CSMD1: variants seen among roughly 807,000 people sequenced by gnomAD.
CSMD1 encodes CUB and sushi domain-containing protein 1.
CSMD1 carries 213 observed loss-of-function variants against 417.5 expected under a neutral mutation model. That is an observed-to-expected ratio of 0.51 (90% CI 0.46 to 0.57). The LOEUF (loss-of-function observed/expected upper bound fraction) is 0.57, where lower values mean the gene tolerates loss of function less well. CSMD1 is among the 20% of genes least tolerant of loss of function. CSMD1 has a pLI of 0.00. For missense variants in CSMD1, 6,923 were observed against 4,529.7 expected, an observed-to-expected ratio of 1.53 and a Z score of -15.17; for synonymous variants, 2,862 against 1,736.8, an observed-to-expected ratio of 1.65 and a Z score of -16.11.
intron 1 of CSMD1, among the ~76,000 whole-genome samples, chr8:4,913,251 G>C (rs1056442480): frequency 5.9e-5 from 9 of 152,156 alleles, no homozygotes; most frequent in African/African-American, 1.9e-4. Context: ...AACACAAGTT[G>C]TTTCTCTTCT....
chr8:4,681,068 T>C (rs550195636), intron 1 of CSMD1, among the ~76,000 whole-genome samples: 1 of 151,850 alleles, frequency 6.6e-6, no homozygotes, highest in Non-Finnish European at 1.5e-5. Flanking sequence ...TTAACTTGCA[T>C]TATGGCTACG....
intron 12 of CSMD1, among the ~76,000 whole-genome samples, chr8:3,435,056 C>A (rs993115955): frequency 8.6e-5 from 13 of 151,926 alleles, no homozygotes; most frequent in African/African-American, 3.1e-4. Context: ...GACAGAAGCC[C>A]CTGGTGGGAG....
chr8:3,445,233 T>C (rs188772532), intron 12 of CSMD1, among the ~76,000 whole-genome samples: 1 of 152,348 alleles, frequency 6.6e-6, no homozygotes, highest in Non-Finnish European at 1.5e-5. Context: ...TTTTCAGTAG[T>C]CTGGGTTACG....
intron 8 of CSMD1, among the ~76,000 whole-genome samples, chr8:3,589,241 A>G (rs188540320): frequency 5.8e-4 from 89 of 152,296 alleles, no homozygotes; most frequent in African/African-American, 1.7e-3. Context: ...TTCTGATCCT[A>G]TATCTGAAGG....
intron 3 of CSMD1, among the ~76,000 whole-genome samples, chr8:4,163,938 A>G (rs1015536623): frequency 1.3e-5 from 2 of 152,168 alleles, no homozygotes; most frequent in Non-Finnish European, 2.9e-5. Flanking sequence ...CTGTTATATA[A>G]GTTTTCCAGG....
At chr8:4,131,850 T>G (rs1021349869) in intron 3 of CSMD1, among the ~76,000 whole-genome samples, 4 of 134,416 alleles carry the variant, frequency 3.0e-5, no homozygotes, top group African/African-American at 1.1e-4. Context: ...GCAAGCTCCA[T>G]CTCCCAGGTT....
chr8:4,677,059 T>C (rs1311989647), intron 1 of CSMD1, among the ~76,000 whole-genome samples: 1 of 145,568 alleles, frequency 6.9e-6, no homozygotes, highest in Admixed American at 6.9e-5. Flanking sequence ...TATAGAATTA[T>C]ATATAGAGAT....
At chr8:4,420,992 T>G (rs1306158390) in intron 2 of CSMD1, among the ~76,000 whole-genome samples, 2 of 152,188 alleles carry the variant, frequency 1.3e-5, no homozygotes, top group Non-Finnish European at 2.9e-5. Context: ...TATTCATCTT[T>G]GTAAACTGCA....
chr8:4,216,758 A>G (rs1422299116), intron 3 of CSMD1, among the ~76,000 whole-genome samples: 2 of 152,204 alleles, frequency 1.3e-5, no homozygotes, highest in Non-Finnish European at 2.9e-5. Flanking sequence ...TAAAATTACC[A>G]TTCTCTTTAC....
chr8:4,467,478 A>G (rs972960402), intron 2 of CSMD1, among the ~76,000 whole-genome samples: 3 of 152,212 alleles, frequency 2.0e-5, no homozygotes, highest in African/African-American at 7.2e-5. Flanking sequence ...TGTGCCACCC[A>G]TGAGTGGCCA....
At chr8:3,470,300 T>C (rs1817013086) in intron 11 of CSMD1, among the ~76,000 whole-genome samples, 2 of 152,364 alleles carry the variant, frequency 1.3e-5, no homozygotes, top group Admixed American at 6.5e-5. Flanking sequence ...ATAGAATTTA[T>C]AGTGTATAAA....
intron 1 of CSMD1, among the ~76,000 whole-genome samples, chr8:4,662,698 T>C (rs1035944085): frequency 5.3e-5 from 8 of 152,172 alleles, no homozygotes; most frequent in African/African-American, 1.4e-4. Context: ...ATTTGTACAC[T>C]GCACTTTCAG....
chr8:3,593,303 T>G (rs1800943695), intron 8 of CSMD1, among the ~76,000 whole-genome samples: 1 of 152,210 alleles, frequency 6.6e-6, no homozygotes, highest in Non-Finnish European at 1.5e-5. Context: ...TTCCCAGCTG[T>G]GGCCTCATGG....
chr8:4,247,684 G>C (rs964880413), intron 3 of CSMD1, among the ~76,000 whole-genome samples: 2 of 152,068 alleles, frequency 1.3e-5, no homozygotes, highest in South Asian at 2.1e-4. Context: ...TAATGTATGA[G>C]CTTCTGCATT....
intron 2 of CSMD1, among the ~76,000 whole-genome samples, chr8:4,614,776 AAT>A (rs1289231573): frequency 2.0e-5 from 3 of 152,164 alleles, no homozygotes; most frequent in African/African-American, 7.2e-5. Context: ...TTTAGACTAC[AAT>A]ATGTCTGTAG....
At chr8:3,513,395 G>C (rs369986495) in intron 10 of CSMD1, among the ~76,000 whole-genome samples, 2 of 151,138 alleles carry the variant, frequency 1.3e-5, no homozygotes, top group African/African-American at 4.9e-5. Context: ...GTGTGGAGTG[G>C]TGCTCACTGC....
chr8:4,455,255 G>A (rs74574573), intron 2 of CSMD1, among the ~76,000 whole-genome samples: 3,194 of 152,044 alleles, frequency 0.021, 122 homozygotes, highest in African/African-American at 0.071. Flanking sequence ...TTTTCCCCAG[G>A]TTAAAAAAAA....
At chr8:4,657,349 T>C (rs1003634679) in intron 1 of CSMD1, among the ~76,000 whole-genome samples, 3 of 152,168 alleles carry the variant, frequency 2.0e-5, no homozygotes, top group Admixed American at 6.5e-5. Context: ...GAGAGGATTT[T>C]CATTTTTGTT....
At chr8:3,590,851 T>C (rs1289112871) in intron 8 of CSMD1, among the ~76,000 whole-genome samples, 11 of 152,220 alleles carry the variant, frequency 7.2e-5, no homozygotes, top group Admixed American at 7.2e-4. Flanking sequence ...TTTGCTCTCA[T>C]TTTATCTAAC....
Sources: allele counts gnomAD v4.1 joint callset (sites outside exome capture counted in the v4.1 genomes callset), GRCh38; gene constraint gnomAD v4.1.1; transcripts MANE v1.5; gene names NCBI Gene and HGNC (gene_info 2026-07-23, HGNC 2026-07-21).